The following TMEM272 variants were observed in gnomAD, a reference collection of about 807,000 sequenced individuals.
The protein encoded by TMEM272 is long intergenic non-protein coding RNA 282.
A neutral mutation model predicts 3.7 loss-of-function variants in TMEM272; 8 were observed. That is an observed-to-expected ratio of 2.17 (90% CI 1.27 to 3.91). The LOEUF (loss-of-function observed/expected upper bound fraction) is 3.91, where lower values mean the gene tolerates loss of function less well. TMEM272 is among the 30% of genes most tolerant of loss of function. TMEM272 has a pLI of 0.00. For missense variants in TMEM272, 166 were observed against 91.5 expected, an observed-to-expected ratio of 1.81 and a Z score of -3.32; for synonymous variants, 63 against 39.8, an observed-to-expected ratio of 1.58 and a Z score of -2.20.
the TMEM272 span, among the ~76,000 whole-genome samples, chr13:51,887,065 T>TC: frequency 1.3e-5 from 2 of 152,200 alleles, no homozygotes; most frequent in African/African-American, 4.8e-5. Flanking sequence ...TCTAAAACGC[T>TC]ATAAAGGTCT....
At chr13:51,880,819 A>C in the TMEM272 span, among the ~76,000 whole-genome samples, 1 of 152,230 alleles carries the variant, frequency 6.6e-6, no homozygotes, top group East Asian at 1.9e-4. Flanking sequence ...GGTGAGGGAT[A>C]AAAGACTACA....
the TMEM272 span, among the ~76,000 whole-genome samples, chr13:51,923,314 C>T: frequency 6.6e-6 from 1 of 152,220 alleles, no homozygotes; most frequent in Non-Finnish European, 1.5e-5. Context: ...GTGATGGGAC[C>T]TCTCCGGAGA....
chr13:51,839,418 T>A (rs991055245), intron 1 of TMEM272, among the ~76,000 whole-genome samples: 1 of 152,114 alleles, frequency 6.6e-6, no homozygotes, highest in African/African-American at 2.4e-5. Context: ...ACGTCATTGC[T>A]TGGGAGTAAG....
chr13:51,841,816 T>C (rs1306170726), intron 1 of TMEM272, among the ~76,000 whole-genome samples: 1 of 152,194 alleles, frequency 6.6e-6, no homozygotes, highest in African/African-American at 2.4e-5. Flanking sequence ...GTTATTTTCA[T>C]AAACTGGCAA....
the TMEM272 span, among the ~76,000 whole-genome samples, chr13:51,925,684 G>A: frequency 5.3e-5 from 8 of 152,232 alleles, no homozygotes; most frequent in South Asian, 1.5e-3. Flanking sequence ...GCCAAGGAGA[G>A]ACACTCTGCC....
At chr13:51,843,185 T>G (rs1002211099) in intron 1 of TMEM272, among the ~76,000 whole-genome samples, 1 of 152,262 alleles carries the variant, frequency 6.6e-6, no homozygotes, top group Non-Finnish European at 1.5e-5. Context: ...TTCCCAGTTG[T>G]ATGTTCCCCC....
the TMEM272 span, among the ~76,000 whole-genome samples, chr13:51,872,869 A>T: frequency 1.3e-5 from 2 of 152,342 alleles, no homozygotes; most frequent in South Asian, 4.1e-4. Context: ...ATCAAGAATG[A>T]GGGTAGAATA....
At chr13:51,930,213 G>A in the TMEM272 span, among the ~76,000 whole-genome samples, 9 of 151,430 alleles carry the variant, frequency 5.9e-5, no homozygotes, top group South Asian at 6.2e-4. Flanking sequence ...GTTAATAGCC[G>A]TCTCCATTTC....
At chr13:51,931,521 C>A in the TMEM272 span, among the ~76,000 whole-genome samples, 1 of 151,952 alleles carries the variant, frequency 6.6e-6, no homozygotes, top group Non-Finnish European at 1.5e-5. Context: ...GAAAGCATTA[C>A]GAGAAATACC....
the TMEM272 span, among the ~76,000 whole-genome samples, chr13:51,855,455 G>A: frequency 2.0e-5 from 3 of 151,698 alleles, no homozygotes. Flanking sequence ...AAAACCAAGA[G>A]GGAAAAAAAG....
At chr13:51,921,914 GTGTGTGTGTA>G in the TMEM272 span, among the ~76,000 whole-genome samples, 1 of 152,070 alleles carries the variant, frequency 6.6e-6, no homozygotes, top group Admixed American at 6.5e-5. Flanking sequence ...CTGTGTGCGT[GTGTGTGTGTA>G]TGTGTGTGTG....
chr13:51,816,816 G>A lies in TMEM272; in HGVS notation c.499C>T (p.Leu167Phe), dbSNP rs1372032758. The A allele has an allele frequency of 1.4e-6, 1 of 703,066 alleles. No individual in the cohort carries two copies. Among genetic ancestry groups the A allele is most frequent in the Non-Finnish European group, 2.6e-6 (1 of 385,018 alleles). 43.6% of individuals were successfully genotyped at this position (703,066 alleles called of 1,614,324 possible). ...LALSHTVLVL[L>F]LLCSGCVYLC... ...TAGACACAGCCGCTGCACAGCAGGA[G>A]CAAGACCAGCACAGTGTGACTGAGC... The change falls in exon 5 of 5, where the codon CTC becomes TTC. Residue 167 changes from leucine to phenylalanine, a missense_variant. Coordinates refer to ENST00000629372, the MANE Select transcript of TMEM272 (RefSeq NM_001351003.2).
chr13:51,872,378 CATAG>C, the TMEM272 span, among the ~76,000 whole-genome samples: 7,443 of 151,948 alleles, frequency 0.049, 266 homozygotes, highest in Middle Eastern at 0.1. Flanking sequence ...AAAAGACAAA[CATAG>C]ATAGGGGAAG....
the TMEM272 span, among the ~76,000 whole-genome samples, chr13:51,888,597 A>G: frequency 6.6e-6 from 1 of 151,602 alleles, no homozygotes; most frequent in South Asian, 2.1e-4. Flanking sequence ...ACTCCAAGTA[A>G]ATTGGTACAG....
the TMEM272 span, among the ~76,000 whole-genome samples, chr13:51,903,806 T>G: frequency 5.3e-5 from 8 of 152,188 alleles, no homozygotes; most frequent in Non-Finnish European, 8.8e-5. Flanking sequence ...ATAGCCATAA[T>G]GAGGCAGTGC....
chr13:51,863,010 C>T, the TMEM272 span, among the ~76,000 whole-genome samples: 4 of 152,192 alleles, frequency 2.6e-5, no homozygotes, highest in Non-Finnish European at 4.4e-5. Context: ...CAGACAGTAT[C>T]GCAGAGGTGG....
the TMEM272 span, among the ~76,000 whole-genome samples, chr13:51,855,064 C>G: frequency 6.6e-6 from 1 of 152,160 alleles, no homozygotes; most frequent in Admixed American, 6.5e-5. Flanking sequence ...GGTGAAGATT[C>G]TTTTCCCTCA....
At chr13:51,849,612 G>C (rs192257246), upstream of TMEM272, among the ~76,000 whole-genome samples, 1 of 152,312 alleles carries the variant, frequency 6.6e-6, no homozygotes, top group East Asian at 1.9e-4. Flanking sequence ...AGAAAATCCC[G>C]GGGTCTCTTC....
chr13:51,860,938 A>T, the TMEM272 span, among the ~76,000 whole-genome samples: 1 of 151,872 alleles, frequency 6.6e-6, no homozygotes, highest in Admixed American at 6.6e-5. Context: ...TTCTGGATGG[A>T]CTAGGGGTCC....
Sources: allele counts gnomAD v4.1 joint callset (sites outside exome capture counted in the v4.1 genomes callset), GRCh38; gene constraint gnomAD v4.1.1; transcripts MANE v1.5; gene names NCBI Gene and HGNC (gene_info 2026-07-23, HGNC 2026-07-21).